Variants in CEMIP2 observed in about 807,000 individuals in gnomAD.
The protein encoded by CEMIP2 is cell surface hyaluronidase CEMIP2.
Under a neutral mutation model 146.9 loss-of-function variants are expected in CEMIP2, and 79 were observed. The ratio of observed to expected loss-of-function variants is 0.54; its 90% confidence interval spans 0.45 to 0.65. The LOEUF (loss-of-function observed/expected upper bound fraction) is 0.65, where lower values mean the gene tolerates loss of function less well. Among genes scored for constraint, CEMIP2 ranks in the 30% least tolerant of loss-of-function variants. CEMIP2 has a pLI of 0.00. For missense variants in CEMIP2, 1,596 were observed against 1,696.2 expected (o/e 0.94, Z 1.04); for synonymous variants, 601 against 606.3 (o/e 0.99, Z 0.13).
At chr9:71,688,499 C>T (rs1162591904) in intron 22 of CEMIP2, among the ~76,000 whole-genome samples, 1 of 151,966 alleles carries the variant, frequency 6.6e-6, no homozygotes, top group African/African-American at 2.4e-5. Flanking sequence ...AGCAGTTCTC[C>T]TGCCTCAGCC....
chr9:71,767,655 C>T (rs1397580939), intron 1 of CEMIP2, among the ~76,000 whole-genome samples: 1 of 152,174 alleles, frequency 6.6e-6, no homozygotes, highest in African/African-American at 2.4e-5. Flanking sequence ...AACAGCAGCA[C>T]TCTGGGTCCT....
chr9:71,752,134 A>C (rs1824272018), intron 1 of CEMIP2, among the ~76,000 whole-genome samples: 1 of 152,022 alleles, frequency 6.6e-6, no homozygotes, highest in Non-Finnish European at 1.5e-5. Flanking sequence ...CAAAGATCAC[A>C]CAGTTAATAT....
intron 12 of CEMIP2, among the ~76,000 whole-genome samples, chr9:71,718,823 C>A (rs1306680903): frequency 2.6e-5 from 4 of 152,106 alleles, no homozygotes; most frequent in Non-Finnish European, 5.9e-5. Context: ...GTGATCCACC[C>A]ACCTCAGCCT....
intron 10 of CEMIP2, among the ~76,000 whole-genome samples, chr9:71,728,261 GTATATATATATATATATATGTATATA>G (rs1564012304): frequency 2.0e-4 from 1 of 5,028 alleles, no homozygotes; most frequent in Non-Finnish European, 4.4e-4. Context: ...GTATATACAC[GTATATATATATATATATATGTATATA>G]TATATATATA....
intron 6 of CEMIP2, among the ~76,000 whole-genome samples, chr9:71,734,208 G>GGTTTTTTTTTTT (rs374206725): frequency 6.9e-6 from 1 of 144,136 alleles, no homozygotes; most frequent in African/African-American, 2.5e-5. Flanking sequence ...ATGAGTTTTT[G>GGTTTTTTTTTTT]TTTTTGTTTT....
chr9:71,733,031 C>T (rs770371065), intron 6 of CEMIP2, among the ~76,000 whole-genome samples: 5 of 152,116 alleles, frequency 3.3e-5, no homozygotes, highest in East Asian at 3.9e-4. Context: ...TCTGTCCATA[C>T]GCTCTTGGTC....
chr9:71,692,365 A>ATCTCTCTCTCTCTCTC (rs10683725), intron 21 of CEMIP2, among the ~76,000 whole-genome samples: 47 of 90,556 alleles, frequency 5.2e-4, no homozygotes, highest in African/African-American at 2.0e-3. Context: ...TCTACCCCCC[A>ATCTCTCTCTCTCTCTC]TCTCTCTCTC....
At chr9:71,740,543 A>C (rs1823884480) in intron 4 of CEMIP2, among the ~76,000 whole-genome samples, 1 of 152,172 alleles carries the variant, frequency 6.6e-6, no homozygotes, top group Non-Finnish European at 1.5e-5. Context: ...TTCTGGCCAA[A>C]ATCCATTTAC....
chr9:71,765,322 C>T (rs1824758782), intron 1 of CEMIP2, among the ~76,000 whole-genome samples: 1 of 152,150 alleles, frequency 6.6e-6, no homozygotes, highest in Admixed American at 6.5e-5. Context: ...CCTTTTGATA[C>T]CAGACAGCAT....
At chr9:71,761,069 T>C (rs1217638557) in intron 1 of CEMIP2, among the ~76,000 whole-genome samples, 1 of 152,236 alleles carries the variant, frequency 6.6e-6, no homozygotes, top group Admixed American at 6.5e-5. Flanking sequence ...CAGTGACGGA[T>C]GGCAGTGCAG....
In CEMIP2 at chr9:71,728,302, C is replaced by CGTATATATACATATAT. The variant is rs1554684803; in HGVS notation, c.2049+1542_2049+1543insATATATGTATATATAC. Among the ~76,000 whole-genome samples the CGTATATATACATATAT allele has an allele frequency of 6.7e-3, 78 of 11,574 alleles. 17 individuals carry two copies. The highest frequency in any genetic ancestry group is 0.025 in the African/African-American group (73 of 2,920). 7.6% of individuals were successfully genotyped at this position (11,574 alleles called of 152,430 possible). On this transcript the variant is annotated intron_variant, in intron 10 of 23. Coordinates refer to ENST00000377044, the MANE Select transcript of CEMIP2 (RefSeq NM_013390.3). ...ATATGTATATATATATATATATATA[C>CGTATATATACATATAT]ATATATATATATATACGTATATATA...
chr9:71,725,237 C>T (rs1274760444), intron 11 of CEMIP2, among the ~76,000 whole-genome samples: 1 of 152,122 alleles, frequency 6.6e-6, no homozygotes, highest in African/African-American at 2.4e-5. Context: ...GGAGGTAGAG[C>T]CTAATGGAAG....
intron 17 of CEMIP2, among the ~76,000 whole-genome samples, chr9:71,707,825 T>G (rs1372540307): frequency 3.3e-5 from 5 of 152,230 alleles, no homozygotes; most frequent in Non-Finnish European, 7.3e-5. Context: ...GGAAAATCCC[T>G]TGCTCTTCCT....
At chr9:71,753,500 T>C (rs1161749539) in intron 1 of CEMIP2, among the ~76,000 whole-genome samples, 1 of 152,180 alleles carries the variant, frequency 6.6e-6, no homozygotes, top group East Asian at 1.9e-4. Context: ...ATAAAGTTCC[T>C]GCAAAACATG....
intron 12 of CEMIP2, among the ~76,000 whole-genome samples, chr9:71,718,729 G>A (rs573457594): frequency 5.9e-5 from 9 of 151,722 alleles, no homozygotes; most frequent in East Asian, 1.9e-4. Flanking sequence ...GGCATCCATC[G>A]CCACACCCAC....
intron 4 of CEMIP2, among the ~76,000 whole-genome samples, chr9:71,742,686 C>G (rs72737990): frequency 0.07 from 10,705 of 152,232 alleles, 539 homozygotes; most frequent in South Asian, 0.19. Context: ...TGAAGAAATA[C>G]AAGTTGTAAT....
In CEMIP2 at chr9:71,745,346, G is replaced by C. The variant is rs769437649; in HGVS notation, c.706C>G (p.Arg236Gly). 7 of 1,613,690 alleles carry C rather than the reference G, an allele frequency of 4.3e-6. No individual in the cohort carries two copies. Among genetic ancestry groups the C allele is most frequent in the Non-Finnish European group, 5.9e-6 (7 of 1,179,656 alleles). Residue 236 changes from arginine (R) to glycine (G), a missense_variant, in exon 4 of 24, where the codon CGG becomes GGG. Arg to Gly is a moderately radical substitution (Grantham distance 125). Transcript: ENST00000377044. ...AGGTLELHGA[R>G]KASWTLLART... ...GCCAACAACGTCCACGATGCCTTCCGTGCCCCATGTAACTCCAGTGTCCCG... is the reference window on the plus strand; with the variant it reads ...GCCAACAACGTCCACGATGCCTTCCCTGCCCCATGTAACTCCAGTGTCCCG...
At chr9:71,715,139 T>G in intron 14 of CEMIP2, 50 bp from the exon 15 acceptor site, 6 of 1,591,792 alleles carry the variant, frequency 3.8e-6, no homozygotes, top group Non-Finnish European at 5.1e-6. Flanking sequence ...AAAATTTAAA[T>G]GTATTCCCAA....
rs370826356 is a variant in CEMIP2, at chr9:71,734,102, C to T, written c.1393+704G>A. On this transcript the variant is annotated intron_variant, in intron 6 of 23. Transcript: ENST00000377044. ...ACCACAAGAGATCCACCTGCCTCAGCCTCCCAAAGTGCTGGGATTATAGGC... is the reference window on the plus strand; with the variant it reads ...ACCACAAGAGATCCACCTGCCTCAGTCTCCCAAAGTGCTGGGATTATAGGC... Among the ~76,000 whole-genome samples the T allele has an allele frequency of 2.7e-4, 41 of 152,318 alleles. No individual in the cohort carries two copies. The East Asian group carries it at 4.6e-3, about 17-fold the overall frequency.
Sources: allele counts gnomAD v4.1 joint callset (sites outside exome capture counted in the v4.1 genomes callset), GRCh38; gene constraint gnomAD v4.1.1; transcripts MANE v1.5; gene names NCBI Gene and HGNC (gene_info 2026-07-23, HGNC 2026-07-21).